The following UNC5C variants were observed in gnomAD, a reference collection of about 807,000 sequenced individuals.
UNC5C encodes unc-5 netrin receptor C, also known as netrin receptor UNC5C.
Under a neutral mutation model 99.8 loss-of-function variants are expected in UNC5C, and 47 were observed. The observed-to-expected ratio is 0.47, with a 90% confidence interval of 0.37 to 0.60. UNC5C has a LOEUF of 0.60. Ranked by LOEUF, UNC5C falls within the 20% of genes least tolerant of loss-of-function variation. UNC5C has a pLI of 0.00. For missense variants in UNC5C, 1,062 were observed against 1,165.9 expected (o/e 0.91, Z 1.30); for synonymous variants, 487 against 452.2 (o/e 1.08, Z -0.98).
At chr4:95,307,180 A>G (rs927891615) in intron 2 of UNC5C, among the ~76,000 whole-genome samples, 5 of 151,996 alleles carry the variant, frequency 3.3e-5, no homozygotes, top group African/African-American at 1.2e-4. Flanking sequence ...TCACTTAACA[A>G]TCTTTAACTA....
At chr4:95,496,023 A>G (rs1447974312) in intron 1 of UNC5C, among the ~76,000 whole-genome samples, 1 of 151,780 alleles carries the variant, frequency 6.6e-6, no homozygotes, top group Admixed American at 6.6e-5. Context: ...TCCTATCTAC[A>G]TGGCACATAG....
At chr4:95,520,888 C>T (rs553633720) in intron 1 of UNC5C, among the ~76,000 whole-genome samples, 6 of 151,998 alleles carry the variant, frequency 3.9e-5, no homozygotes, top group African/African-American at 1.4e-4. Flanking sequence ...CGTGAGCCAC[C>T]GCGCCCGGCC....
chr4:95,307,654 G>T (rs1273902415), intron 2 of UNC5C, among the ~76,000 whole-genome samples: 1 of 152,090 alleles, frequency 6.6e-6, no homozygotes, highest in African/African-American at 2.4e-5. Flanking sequence ...AAAACCTGCT[G>T]AGGACACTAC....
intron 2 of UNC5C, among the ~76,000 whole-genome samples, chr4:95,311,404 A>C (rs973259002): frequency 5.3e-5 from 8 of 152,230 alleles, no homozygotes; most frequent in South Asian, 2.1e-4. Flanking sequence ...ATTTGTCCTA[A>C]AACACCGAAT....
intron 1 of UNC5C, among the ~76,000 whole-genome samples, chr4:95,359,521 A>G (rs1744319158): frequency 6.6e-6 from 1 of 151,106 alleles, no homozygotes; most frequent in Admixed American, 6.6e-5. Flanking sequence ...TTTCTTTATG[A>G]AGCCATTTTT....
At chr4:95,271,691 T>C (rs1740673878) in intron 4 of UNC5C, among the ~76,000 whole-genome samples, 1 of 152,216 alleles carries the variant, frequency 6.6e-6, no homozygotes, top group Non-Finnish European at 1.5e-5. Context: ...CCTAAATCCA[T>C]TCTTGCACTT....
chr4:95,179,957 ATTTTGATTGATGATAG>A (rs1579203814), intron 14 of UNC5C, among the ~76,000 whole-genome samples: 1 of 151,772 alleles, frequency 6.6e-6, no homozygotes, highest in East Asian at 1.9e-4. Flanking sequence ...TTTTGTGTTT[ATTTTGATTGATGATAG>A]AAAGAAAATC....
chr4:95,320,152 G>A (rs1369293749), intron 2 of UNC5C, among the ~76,000 whole-genome samples: 2 of 152,072 alleles, frequency 1.3e-5, no homozygotes, highest in African/African-American at 4.8e-5. Context: ...AGTACAAGAT[G>A]GCTCTCGCCT....
At chr4:95,266,009 T>C (rs1412865058) in intron 4 of UNC5C, among the ~76,000 whole-genome samples, 3 of 152,178 alleles carry the variant, frequency 2.0e-5, no homozygotes, top group African/African-American at 7.2e-5. Context: ...CTAAATGTAT[T>C]TTAAACAATG....
At chr4:95,403,061 T>C (rs1013334305) in intron 1 of UNC5C, among the ~76,000 whole-genome samples, 2 of 152,142 alleles carry the variant, frequency 1.3e-5, no homozygotes, top group African/African-American at 2.4e-5. Context: ...AACTTCACAG[T>C]CTTGGGGGAA....
intron 12 of UNC5C, among the ~76,000 whole-genome samples, chr4:95,188,229 C>T (rs1736913645): frequency 2.0e-5 from 3 of 152,038 alleles, no homozygotes; most frequent in African/African-American, 7.2e-5. Context: ...GAATTCAGCC[C>T]AGCAGTGAAG....
intron 3 of UNC5C, among the ~76,000 whole-genome samples, chr4:95,286,947 A>G (rs1411511189): frequency 6.6e-6 from 1 of 152,152 alleles, no homozygotes; most frequent in Non-Finnish European, 1.5e-5. Context: ...CATTTTGAGG[A>G]CTAAACCAAA....
chr4:95,300,077 G>A (rs1667912448), intron 3 of UNC5C, among the ~76,000 whole-genome samples: 1 of 152,150 alleles, frequency 6.6e-6, no homozygotes, highest in African/African-American at 2.4e-5. Flanking sequence ...AGTGATATTG[G>A]CATCCAACAC....
intron 7 of UNC5C, among the ~76,000 whole-genome samples, chr4:95,223,534 A>G (rs1182342278): frequency 6.6e-6 from 1 of 152,244 alleles, no homozygotes; most frequent in Non-Finnish European, 1.5e-5. Context: ...AGAAACATGC[A>G]GTGCTACCTT....
At chr4:95,546,561 C>T (rs111780730) in intron 1 of UNC5C, among the ~76,000 whole-genome samples, 124 of 152,220 alleles carry the variant, frequency 8.1e-4, no homozygotes, top group African/African-American at 2.7e-3. Flanking sequence ...TTTTACTAAT[C>T]AAAAACTGAA....
intron 3 of UNC5C, 25 bp from the exon 4 acceptor site, chr4:95,278,387 C>T (rs766495614): frequency 6.3e-7 from 1 of 1,577,316 alleles, no homozygotes; most frequent in Non-Finnish European, 8.7e-7. Context: ...TGACAAAATA[C>T]ATGTCAAAAT....
At chr4:95,399,509 A>C (rs1466468273) in intron 1 of UNC5C, among the ~76,000 whole-genome samples, 1 of 152,238 alleles carries the variant, frequency 6.6e-6, no homozygotes, top group African/African-American at 2.4e-5. Flanking sequence ...TAAAATCCTC[A>C]TGATGGCCTG....
chr4:95,470,955 T>G (rs1163719020), intron 1 of UNC5C, among the ~76,000 whole-genome samples: 2 of 151,902 alleles, frequency 1.3e-5, no homozygotes, highest in Non-Finnish European at 2.9e-5. Context: ...CCATCATGAG[T>G]GTCAGGATAT....
chr4:95,250,336 G>A (rs1369662788), intron 5 of UNC5C, 151 bp downstream of exon 5: 3 of 758,354 alleles, frequency 4.0e-6, no homozygotes, highest in East Asian at 2.7e-5. Flanking sequence ...AGTGAGCTAC[G>A]GTCATGCCAT....
Sources: gnomAD v4.1 joint callset for allele counts (sites outside exome capture counted in the v4.1 genomes callset) on GRCh38, gnomAD v4.1.1 for gene constraint, MANE v1.5 for transcripts, NCBI Gene and HGNC (gene_info 2026-07-23, HGNC 2026-07-21) for gene names.